MGAT5B: variants seen among roughly 807,000 people sequenced by gnomAD.
The protein encoded by MGAT5B is alpha-1,6-mannosylglycoprotein 6-beta-N-acetylglucosaminyltransferase B.
A neutral mutation model predicts 95.1 loss-of-function variants in MGAT5B; 54 were observed. The ratio of observed to expected loss-of-function variants is 0.57; its 90% CI spans 0.46 to 0.71. The LOEUF is 0.71. MGAT5B is among the 30% of genes least tolerant of loss of function. The pLI is 0.00. For missense variants in MGAT5B, 935 were observed against 1,088.6 expected, an observed-to-expected ratio of 0.86 and a Z score of 1.99; for synonymous variants, 464 against 451.0, an observed-to-expected ratio of 1.03 and a Z score of -0.36.
chr17:76,886,985 A>C (rs1967653787), intron 3 of MGAT5B, among the ~76,000 whole-genome samples: 2 of 152,186 alleles, frequency 1.3e-5, no homozygotes, highest in African/African-American at 4.8e-5. Flanking sequence ...CGGAGGCTGC[A>C]CTGAGCTGAG....
intron 8 of MGAT5B, among the ~76,000 whole-genome samples, chr17:76,910,676 T>C (rs1435447708): frequency 6.6e-6 from 1 of 152,256 alleles, no homozygotes; most frequent in Non-Finnish European, 1.5e-5. Context: ...GAATCAGTGT[T>C]TTCTACCAAG....
intron 9 of MGAT5B, 150 bp downstream of exon 9, chr17:76,925,247 C>A (rs1598974071): frequency 3.1e-5 from 1 of 31,864 alleles, no homozygotes; most frequent in Non-Finnish European, 5.8e-5. Context: ...CCTCCCCTCC[C>A]CTCCCCTGCC....
At position 76,870,225 on chromosome 17, in the gene MGAT5B, G is replaced by A. The variant is rs937404954; in HGVS notation, c.68+1128G>A. Reference sequence around the variant, plus strand: ...GGAGACGGTGGCTCACCTGGAGCCCGCCTCCCAGCACACCGGGCCTGTCTG... The same window carrying A: ...GGAGACGGTGGCTCACCTGGAGCCCACCTCCCAGCACACCGGGCCTGTCTG... On this transcript the variant is annotated intron_variant, in intron 1 of 17. Coordinates refer to ENST00000569840, the MANE Select transcript of MGAT5B (RefSeq NM_001199172.2). The surrounding 1 kb of genome is among the most constrained non-coding windows in gnomAD (Gnocchi z 5.0). 6.6e-6 allele frequency among the ~76,000 whole-genome samples: 1 copy of A among 152,200 alleles called. No individual in the cohort carries two copies. Among genetic ancestry groups the A allele is most frequent in the South Asian group, 2.1e-4 (1 of 4,832 alleles).
At chr17:76,945,532 G>A (rs35324128) in intron 15 of MGAT5B, among the ~76,000 whole-genome samples, 14,697 of 152,078 alleles carry the variant, frequency 0.097, 731 homozygotes, top group Middle Eastern at 0.16. Context: ...CAGGCGATCC[G>A]CCCACCTCGG....
Position 76,924,823 on chromosome 17 carries a change from G to A in MGAT5B, c.1026-143G>A. On this transcript the variant is annotated intron_variant, in intron 8 of 17. Transcript: ENST00000569840. ...GTGAAAAACCTACGTTACCGTACAG[G>A]GCCATCCTGCTCACTTCCTTTCTGA... 5 of 1,066,366 alleles carry A rather than the reference G, an allele frequency of 4.7e-6. No individual in the cohort carries two copies. The South Asian group carries it at 7.3e-5, about 15-fold the overall frequency. 66.1% of individuals were successfully genotyped at this position (1,066,366 alleles called of 1,614,324 possible). A position where few individuals can be genotyped will look rare whatever the true frequency, so the allele number is the denominator to read the frequency against.
In MGAT5B at chr17:76,916,487, T is replaced by G. The variant is rs1206660614; in HGVS notation, c.1026-8479T>G. Among the ~76,000 whole-genome samples, 1 of 152,016 alleles carries G rather than the reference T, an allele frequency of 6.6e-6. No homozygotes were observed. The highest frequency in any genetic ancestry group is 1.5e-5 in the Non-Finnish European group (1 of 68,000). On this transcript the variant is annotated intron_variant, in intron 8 of 17. Transcript: ENST00000569840. This position sits in a 1 kb window ranked among gnomAD's most constrained non-coding sequence, Gnocchi z 5.3. ...CACCCCAGGTGGAGTGGGGAGAACT[T>G]GGGGAGATCAGATAAGAAATGAGGA...
intron 9 of MGAT5B, among the ~76,000 whole-genome samples, chr17:76,926,197 A>G (rs1188954839): frequency 6.6e-6 from 1 of 152,170 alleles, no homozygotes; most frequent in African/African-American, 2.4e-5. Flanking sequence ...GCTCCTGAGA[A>G]GAGGGGCTAT....
At chr17:76,911,354 G>T (rs1277986025) in intron 8 of MGAT5B, among the ~76,000 whole-genome samples, 2 of 152,194 alleles carry the variant, frequency 1.3e-5, no homozygotes, top group Non-Finnish European at 2.9e-5. Context: ...GGATGGGATT[G>T]AGGCCCCAGG....
Position 76,877,141 on chromosome 17 carries a change from C to A in MGAT5B, c.181+4178C>A, listed in dbSNP as rs1057308190. Among the ~76,000 whole-genome samples the A allele has an allele frequency of 4.6e-5, 7 of 151,946 alleles. No individual in the cohort carries two copies. The East Asian group carries it at 1.2e-3, about 25-fold the overall frequency. On this transcript the variant is annotated intron_variant, in intron 2 of 17. Coordinates refer to ENST00000569840, the MANE Select transcript of MGAT5B (RefSeq NM_001199172.2). The stretch of plus-strand genomic sequence containing the variant: ...AGGAGTTCGAGACCAGCCTGGCCAG[C>A]GTGGTGAAACCCCATCTCTACTAAA...
chr17:76,912,364 G>GC lies in MGAT5B; in HGVS notation c.1025+6179dup, dbSNP rs1968772160. Among the ~76,000 whole-genome samples the GC allele has an allele frequency of 6.6e-6, 1 of 152,178 alleles. No individual in the cohort carries two copies. The highest frequency in any genetic ancestry group is 2.1e-4 in the South Asian group (1 of 4,820). On this transcript the variant is annotated intron_variant, in intron 8 of 17. Coordinates refer to ENST00000569840, the MANE Select transcript of MGAT5B (RefSeq NM_001199172.2). The surrounding 1 kb of genome is among the most constrained non-coding windows in gnomAD (Gnocchi z 5.0). ...AGGGCCTCACCTCTCAGCCCTGGGA[G>GC]CCGTTCTGTGGGAGCAGCACCAGGT...
intron 8 of MGAT5B, among the ~76,000 whole-genome samples, chr17:76,911,437 C>T (rs1330251152): frequency 6.6e-6 from 1 of 152,154 alleles, no homozygotes; most frequent in Non-Finnish European, 1.5e-5. Context: ...CCCTTGGTTG[C>T]TAGAGTGTGG....
At chr17:76,942,413 A>T (rs987616969) in intron 15 of MGAT5B, among the ~76,000 whole-genome samples, 4 of 152,328 alleles carry the variant, frequency 2.6e-5, no homozygotes, top group Non-Finnish European at 4.4e-5. Context: ...CACGACTGTG[A>T]TCCACCAAGA....
At chr17:76,890,701 C>G (rs1439984635) in intron 3 of MGAT5B, among the ~76,000 whole-genome samples, 1 of 152,096 alleles carries the variant, frequency 6.6e-6, no homozygotes, top group African/African-American at 2.4e-5. Context: ...TAGGGTTTCA[C>G]TATGTTGCCC....
chr17:76,885,981 G>A (rs766991747), intron 3 of MGAT5B, among the ~76,000 whole-genome samples: 1 of 152,162 alleles, frequency 6.6e-6, no homozygotes, highest in Non-Finnish European at 1.5e-5. Context: ...TTCTTCCTCA[G>A]CCCTTTTGGA....
At chr17:76,898,337 T>A (rs1008681126) in intron 3 of MGAT5B, among the ~76,000 whole-genome samples, 9 of 151,178 alleles carry the variant, frequency 6.0e-5, no homozygotes, top group Admixed American at 1.3e-4. Context: ...TTTTTATTTT[T>A]TTTTTTTTTT....
chr17:76,907,199 C>T (rs570284542), intron 8 of MGAT5B, among the ~76,000 whole-genome samples: 10 of 152,072 alleles, frequency 6.6e-5, no homozygotes, highest in African/African-American at 2.2e-4. Context: ...TACAGGCCCA[C>T]GCCGCCACGC....
At position 76,946,303 on chromosome 17, in the gene MGAT5B, A is replaced by C. The variant is rs748422011; in HGVS notation, c.1849-73A>C. Reference sequence around the variant, plus strand: ...GAGAGCCCACCAGACCTCCACCCCCAATGCCGAGCATGGCAGGGCCCCCGA... The same window carrying C: ...GAGAGCCCACCAGACCTCCACCCCCCATGCCGAGCATGGCAGGGCCCCCGA... On this transcript the variant is annotated intron_variant, in intron 15 of 17. Coordinates refer to ENST00000569840, the MANE Select transcript of MGAT5B (RefSeq NM_001199172.2). 4 of 1,330,402 alleles carry C rather than the reference A, an allele frequency of 3.0e-6. No individual in the cohort carries two copies. The East Asian group carries it at 1.0e-4, about 34-fold the overall frequency. 82.4% of individuals were successfully genotyped at this position (1,330,402 alleles called of 1,614,324 possible).
At chr17:76,887,502 TCTCCCTCCCTCCCTCC>T (rs869081945) in intron 3 of MGAT5B, among the ~76,000 whole-genome samples, 4 of 32,112 alleles carry the variant, frequency 1.2e-4, no homozygotes, top group Middle Eastern at 0.025. Context: ...TCCCTTCCTC[TCTCCCTCCCTCCCTCC>T]CTCCCTCCCT....
Position 76,882,241 on chromosome 17 carries a change from T to C in MGAT5B, c.272T>C (p.Leu91Pro). Residue 91 changes from leucine to proline, a missense_variant, in exon 3 of 18, where the codon CTG (leucine) becomes CCG (proline). Physicochemically the swap from Leu to Pro is moderately conservative, Grantham distance 98. This residue lies in a region of MGAT5B where 243 missense variants were observed against 228.2 expected (regional missense o/e 1.06). Transcript: ENST00000569840. ...AAGCGCATGGACGCACTGGCCAGGC[T>C]GGAGAACAGCAGTGAGCTGCACCGG... The part of the protein sequence containing the change: ...MVKRMDALAR[L>P]ENSSELHRAG... 1.2e-6 allele frequency: 2 copies of C among 1,613,694 alleles called. No individual in the cohort carries two copies. Among genetic ancestry groups the C allele is most frequent in the Non-Finnish European group, 1.7e-6 (2 of 1,179,948 alleles).
Sources: allele counts gnomAD v4.1 joint callset (sites outside exome capture counted in the v4.1 genomes callset), GRCh38; gene constraint gnomAD v4.1.1; regional missense constraint gnomAD v4.1.1; non-coding constraint Gnocchi (gnomAD v3.1); transcripts MANE v1.5; gene names NCBI Gene and HGNC (gene_info 2026-07-23, HGNC 2026-07-21).